Variants in MTREX observed in about 807,000 individuals in gnomAD.
The protein encoded by MTREX is exosome RNA helicase MTR4.
Under a neutral mutation model 135.4 loss-of-function variants are expected in MTREX, and 76 were observed. The observed-to-expected ratio is 0.56, with a 90% confidence interval of 0.47 to 0.68. The LOEUF is 0.68. Among genes scored for constraint, MTREX ranks in the 30% least tolerant of loss-of-function variants. The probability of loss-of-function intolerance (pLI) is 0.00; values close to 1 mark genes in which losing one functional copy is unlikely to be tolerated. For missense variants in MTREX, 920 were observed against 1,262.1 expected, an observed-to-expected ratio of 0.73 and a Z score of 4.11; for synonymous variants, 404 against 401.6, an observed-to-expected ratio of 1.01 and a Z score of -0.07.
chr5:55,325,583 C>G (rs893976578), intron 3 of MTREX, among the ~76,000 whole-genome samples: 3 of 151,596 alleles, frequency 2.0e-5, no homozygotes, highest in Non-Finnish European at 4.4e-5. Context: ...CTCCTGACTT[C>G]AAGTGATCCA....
chr5:55,345,143 A>G lies in MTREX; in HGVS notation c.1055A>G (p.Asp352Gly), dbSNP rs1319009651. The change falls in exon 10 of 27, where the codon GAT (aspartate) becomes GGT (glycine). Residue 352 changes from aspartate to glycine, a missense_variant. Coordinates refer to ENST00000230640, the MANE Select transcript of MTREX (RefSeq NM_015360.5). ...AATACTGCAATGCAAGTGCTTCGAG[A>G]TGCAGGTGATTTGGCCAAAGGAGAC... ...NFNTAMQVLR[D>G]AGDLAKGDQK... The G allele has an allele frequency of 6.2e-7, 1 of 1,613,686 alleles. No individual in the cohort carries two copies. The highest frequency in any genetic ancestry group is 1.3e-5 in the African/African-American group (1 of 75,030).
chr5:55,310,735 C>G (rs1749099006), intron 1 of MTREX, among the ~76,000 whole-genome samples: 1 of 152,078 alleles, frequency 6.6e-6, no homozygotes, highest in Non-Finnish European at 1.5e-5. Context: ...AGGAACTTGC[C>G]CTTTATTTAG....
intron 1 of MTREX, among the ~76,000 whole-genome samples, chr5:55,313,580 T>C (rs2112019291): frequency 6.6e-6 from 1 of 152,356 alleles, no homozygotes; most frequent in South Asian, 2.1e-4. Flanking sequence ...GCCCTCAATA[T>C]ATTGTGGTAA....
intron 19 of MTREX, among the ~76,000 whole-genome samples, chr5:55,392,708 AG>A (rs1750589603): frequency 6.6e-6 from 1 of 152,100 alleles, no homozygotes; most frequent in African/African-American, 2.4e-5. Flanking sequence ...GAGTCTTTTC[AG>A]GTCTTTCTTG....
chr5:55,343,535 C>A, intron 8 of MTREX, 80 bp downstream of exon 8: 1 of 1,223,918 alleles, frequency 8.2e-7, no homozygotes, highest in South Asian at 1.4e-5. Context: ...CTTTGCTTTT[C>A]TCCTGATGTT....
intron 6 of MTREX, among the ~76,000 whole-genome samples, chr5:55,341,391 G>A (rs1472274013): frequency 6.6e-6 from 1 of 152,072 alleles, no homozygotes; most frequent in East Asian, 1.9e-4. Context: ...TGGAGAGTAG[G>A]GGTGATAATT....
chr5:55,398,955 C>T (rs913150494), intron 20 of MTREX, among the ~76,000 whole-genome samples: 4 of 152,184 alleles, frequency 2.6e-5, no homozygotes, highest in Admixed American at 1.3e-4. Flanking sequence ...GGGAAATTAG[C>T]CTGCCAACAG....
Position 55,414,252 on chromosome 5 carries a change from T to TTG in MTREX, c.2808+15_2808+16insGT. The TTG allele has an allele frequency of 6.4e-7, 1 of 1,560,648 alleles. No homozygotes were observed. Among genetic ancestry groups the TTG allele is most frequent in the Non-Finnish European group, 8.6e-7 (1 of 1,162,812 alleles). On this transcript the variant is annotated intron_variant, in intron 24 of 26. Transcript: ENST00000230640. ...CGTCAAATGCAGGTAAGGTTTTTTTTTTTTTTTTTTGAACTACATATTTTA... is the reference window on the plus strand; with the variant it reads ...CGTCAAATGCAGGTAAGGTTTTTTTTTGTTTTTTTTTTGAACTACATATTTTA...
chr5:55,407,708 C>T (rs1579899177), intron 22 of MTREX, among the ~76,000 whole-genome samples: 1 of 152,050 alleles, frequency 6.6e-6, no homozygotes, highest in Non-Finnish European at 1.5e-5. Context: ...TTATTCGTTG[C>T]CTCCCTTCTT....
rs748355273 is a variant in MTREX at position 55,347,142 on chromosome 5, C to T, written c.1238C>T (p.Thr413Ile). 2 of 1,596,924 alleles carry T rather than the reference C, an allele frequency of 1.3e-6. No homozygotes were observed. The highest frequency in any genetic ancestry group is 1.7e-6 in the Non-Finnish European group (2 of 1,172,018). Reference sequence around the variant, plus strand: ...CAAATGACCAAATTAGATTTCAACACAGGTACTACATCATTTCAGTATCAT... The same window carrying T: ...CAAATGACCAAATTAGATTTCAACATAGGTACTACATCATTTCAGTATCAT... ...ALQMTKLDFN[T>I]DEEKKMVEEV... The change falls in exon 11 of 27, where the codon ACA becomes ATA. Residue 413 changes from threonine (T) to isoleucine (I), a missense_variant and splice_region_variant. Coordinates refer to ENST00000230640, the MANE Select transcript of MTREX (RefSeq NM_015360.5).
intron 17 of MTREX, 58 bp downstream of exon 17, chr5:55,378,544 G>C: frequency 6.7e-7 from 1 of 1,493,112 alleles, no homozygotes; most frequent in South Asian, 1.3e-5. Context: ...ACATATTTTT[G>C]TTAAAGATTC....
At chr5:55,314,544 A>G (rs1749167204) in intron 1 of MTREX, among the ~76,000 whole-genome samples, 1 of 152,210 alleles carries the variant, frequency 6.6e-6, no homozygotes, top group African/African-American at 2.4e-5. Flanking sequence ...ATAAGCCGGA[A>G]AATGTGGGTG....
At chr5:55,402,495 G>A (rs1195812151) in intron 21 of MTREX, among the ~76,000 whole-genome samples, 19 of 152,174 alleles carry the variant, frequency 1.2e-4, no homozygotes. Flanking sequence ...CATTATCTGA[G>A]CTGCTCAAAT....
At chr5:55,388,697 C>A (rs143417913) in intron 19 of MTREX, among the ~76,000 whole-genome samples, 1 of 152,066 alleles carries the variant, frequency 6.6e-6, no homozygotes, top group South Asian at 2.1e-4. Flanking sequence ...TTTGACCTAA[C>A]GATATTTTCT....
At chr5:55,339,284 T>C (rs145147706) in intron 5 of MTREX, among the ~76,000 whole-genome samples, 151 of 152,356 alleles carry the variant, frequency 9.9e-4, no homozygotes, top group Non-Finnish European at 1.9e-3. Context: ...TTTGTGTATG[T>C]TTCTTGTAAT....
chr5:55,401,290 C>T (rs1017353693), intron 21 of MTREX, among the ~76,000 whole-genome samples: 1 of 152,214 alleles, frequency 6.6e-6, no homozygotes, highest in Non-Finnish European at 1.5e-5. Flanking sequence ...TTGCCTCAGC[C>T]TCCCAAAGTG....
intron 7 of MTREX, among the ~76,000 whole-genome samples, chr5:55,342,074 T>G (rs919223918): frequency 3.3e-5 from 5 of 152,022 alleles, no homozygotes; most frequent in Non-Finnish European, 5.9e-5. Flanking sequence ...TCTGGCTAAT[T>G]TTTATTTATT....
chr5:55,349,438 C>T lies in MTREX; in HGVS notation c.1241-135C>T, dbSNP rs1328250917. 3 of 592,894 alleles carry T rather than the reference C, an allele frequency of 5.1e-6. No homozygotes were observed. In the African/African-American group the frequency reaches 5.8e-5, roughly 11 times the overall value. The allele number at this position is 592,894 out of a possible 1,614,324, so 36.7% of individuals were successfully genotyped here. Reference sequence around the variant, plus strand: ...TTCTGGCCTCAAGCCAGCCACCTGCCTCAGCCTCCCTAAGTGCTAGGATTA... The same window carrying T: ...TTCTGGCCTCAAGCCAGCCACCTGCTTCAGCCTCCCTAAGTGCTAGGATTA... On this transcript the variant is annotated intron_variant, in intron 11 of 26. Coordinates refer to ENST00000230640, the MANE Select transcript of MTREX (RefSeq NM_015360.5).
chr5:55,340,064 A>G lies in MTREX; in HGVS notation c.570A>G (p.Pro190=), dbSNP rs1278178390. Residue 190 remains proline, a synonymous_variant, in exon 6 of 27, where the codon CCA becomes CCG. Coordinates refer to ENST00000230640, the MANE Select transcript of MTREX (RefSeq NM_015360.5). ...REKQRVIFTS[P]IKALSNQKYR... ...AGCAGCGTGTAATATTTACCAGCCC[A>G]ATTAAGGCTCTGAGTAACCAAAAAT... is the stretch of plus-strand genomic sequence containing the variant. The G allele has an allele frequency of 1.3e-6, 2 of 1,599,168 alleles. No individual in the cohort carries two copies. The highest frequency in any genetic ancestry group is 8.5e-7 in the Non-Finnish European group (1 of 1,173,172).
Sources: allele counts gnomAD v4.1 joint callset (sites outside exome capture counted in the v4.1 genomes callset), GRCh38; gene constraint gnomAD v4.1.1; transcripts MANE v1.5; gene names NCBI Gene and HGNC (gene_info 2026-07-23, HGNC 2026-07-21).